MGAT4C: variants seen among roughly 807,000 people sequenced by gnomAD.
The protein encoded by MGAT4C is MGAT4 family member C.
A neutral mutation model predicts 40.1 loss-of-function variants in MGAT4C; 19 were observed. The ratio of observed to expected loss-of-function variants is 0.47; its 90% CI spans 0.33 to 0.70. MGAT4C has a LOEUF of 0.70. Among genes scored for constraint, MGAT4C ranks in the 30% least tolerant of loss-of-function variants. The pLI is 0.02. For synonymous variants in MGAT4C, 181 were observed against 187.1 expected (o/e 0.97, Z 0.27); for missense variants, 491 against 563.2 (o/e 0.87, Z 1.30).
intron 2 of MGAT4C, among the ~76,000 whole-genome samples, chr12:86,474,629 G>A (rs540091085): frequency 5.9e-4 from 89 of 151,990 alleles, no homozygotes; most frequent in South Asian, 5.0e-3. Flanking sequence ...AGGTTAAACT[G>A]ATTTTATGAA....
intron 1 of MGAT4C, among the ~76,000 whole-genome samples, chr12:86,249,966 C>T (rs139426097): frequency 2.6e-5 from 4 of 152,190 alleles, no homozygotes; most frequent in African/African-American, 9.6e-5. Flanking sequence ...TTATTTATTT[C>T]CAACTTTGTG....
intron 1 of MGAT4C, among the ~76,000 whole-genome samples, chr12:86,210,720 A>G (rs575253987): frequency 6.6e-6 from 1 of 152,330 alleles, no homozygotes; most frequent in Admixed American, 6.5e-5. Flanking sequence ...ATTGGAATTA[A>G]TATCAACTCC....
At chr12:86,214,472 A>T (rs1343613088) in intron 1 of MGAT4C, among the ~76,000 whole-genome samples, 1 of 152,212 alleles carries the variant, frequency 6.6e-6, no homozygotes, top group Non-Finnish European at 1.5e-5. Flanking sequence ...GGCTACTATA[A>T]CAAAATGCCA....
intron 2 of MGAT4C, among the ~76,000 whole-genome samples, chr12:86,654,802 T>A (rs1389297002): frequency 6.6e-6 from 1 of 151,798 alleles, no homozygotes; most frequent in African/African-American, 2.4e-5. Context: ...AACTGCATCA[T>A]ATTGCTGTTG....
chr12:86,333,450 A>C (rs149938934), intron 4 of MGAT4C, among the ~76,000 whole-genome samples: 2 of 152,266 alleles, frequency 1.3e-5, no homozygotes, highest in African/African-American at 4.8e-5. Context: ...CAGTTCTGCT[A>C]TCCCAGAGTT....
At chr12:86,420,725 T>G (rs1316031247) in intron 3 of MGAT4C, among the ~76,000 whole-genome samples, 1 of 151,062 alleles carries the variant, frequency 6.6e-6, no homozygotes, top group East Asian at 1.9e-4. Flanking sequence ...CCATATAGCC[T>G]GCTACTTGAA....
At chr12:86,426,982 A>T (rs909477670) in intron 3 of MGAT4C, among the ~76,000 whole-genome samples, 3 of 151,874 alleles carry the variant, frequency 2.0e-5, no homozygotes, top group Non-Finnish European at 2.9e-5. Context: ...GAGAGAGAGA[A>T]ATCACATCTA....
chr12:86,634,041 G>A (rs545082799), intron 2 of MGAT4C, among the ~76,000 whole-genome samples: 1 of 152,064 alleles, frequency 6.6e-6, no homozygotes, highest in Admixed American at 6.6e-5. Context: ...TAATTAAATG[G>A]AGCTTATTGT....
At chr12:86,286,735 C>T (rs1210985274) in intron 4 of MGAT4C, among the ~76,000 whole-genome samples, 1 of 151,794 alleles carries the variant, frequency 6.6e-6, no homozygotes, top group African/African-American at 2.4e-5. Context: ...TCTCATTCCC[C>T]TCCCACCCCC....
At chr12:86,667,204 A>C (rs1964132299) in intron 2 of MGAT4C, among the ~76,000 whole-genome samples, 1 of 152,182 alleles carries the variant, frequency 6.6e-6, no homozygotes, top group South Asian at 2.1e-4. Flanking sequence ...CTGAGAATAA[A>C]ATCAGGTAGA....
chr12:86,174,124 T>TACACACACACACACAC (rs71445051), intron 1 of MGAT4C, among the ~76,000 whole-genome samples: 1 of 143,810 alleles, frequency 7.0e-6, no homozygotes, highest in Non-Finnish European at 1.5e-5. Context: ...CACACACACA[T>TACACACACACACACAC]ACACACACAC....
intron 1 of MGAT4C, among the ~76,000 whole-genome samples, chr12:86,135,496 A>G (rs1390093003): frequency 6.6e-6 from 1 of 152,160 alleles, no homozygotes; most frequent in Non-Finnish European, 1.5e-5. Flanking sequence ...TGGATGGTGT[A>G]ATTACGCAAG....
At chr12:86,617,623 G>A (rs1565886074) in intron 2 of MGAT4C, among the ~76,000 whole-genome samples, 1 of 151,896 alleles carries the variant, frequency 6.6e-6, no homozygotes, top group African/African-American at 2.4e-5. Flanking sequence ...GGGAGGCGGA[G>A]CTTGCAGTGC....
chr12:86,571,876 T>TA (rs1960383468), intron 2 of MGAT4C, among the ~76,000 whole-genome samples: 1 of 152,136 alleles, frequency 6.6e-6, no homozygotes, highest in African/African-American at 2.4e-5. Flanking sequence ...GAAGCCCTTT[T>TA]AAGAAGGCAG....
intron 2 of MGAT4C, among the ~76,000 whole-genome samples, chr12:86,672,484 T>A (rs1964281310): frequency 6.6e-6 from 1 of 151,608 alleles, no homozygotes; most frequent in Non-Finnish European, 1.5e-5. Context: ...ACCAACAAAA[T>A]GAAATGAGTT....
chr12:86,753,172 A>G (rs1040261004), intron 1 of MGAT4C, among the ~76,000 whole-genome samples: 1 of 152,134 alleles, frequency 6.6e-6, no homozygotes, highest in Admixed American at 6.6e-5. Context: ...CTCTCCAGCA[A>G]GGTAACATGT....
chr12:86,836,728 T>C (rs545397069), intron 1 of MGAT4C, among the ~76,000 whole-genome samples: 1 of 152,242 alleles, frequency 6.6e-6, no homozygotes, highest in South Asian at 2.1e-4. Context: ...ATATATGTTA[T>C]ATTCATCTAA....
chr12:86,328,642 T>A (rs115767713), intron 4 of MGAT4C, among the ~76,000 whole-genome samples: 2,834 of 152,212 alleles, frequency 0.019, 75 homozygotes, highest in African/African-American at 0.064. Context: ...ACAAATTGCT[T>A]CAACGAGAAA....
At chr12:86,344,778 C>T (rs913386994) in intron 3 of MGAT4C, among the ~76,000 whole-genome samples, 17 of 136,702 alleles carry the variant, frequency 1.2e-4, no homozygotes, top group Non-Finnish European at 1.9e-4. Flanking sequence ...GTGTGTGTAG[C>T]GGCAAGAGGG....
Sources: allele counts gnomAD v4.1 joint callset (sites outside exome capture counted in the v4.1 genomes callset), GRCh38; gene constraint gnomAD v4.1.1; transcripts MANE v1.5; gene names NCBI Gene and HGNC (gene_info 2026-07-23, HGNC 2026-07-21).